The following PACS1 variants were observed in gnomAD, a reference collection of about 807,000 sequenced individuals.
The protein encoded by PACS1 is phosphofurin acidic cluster sorting protein 1.
Under a neutral mutation model 115.0 loss-of-function variants are expected in PACS1, and 24 were observed. The observed-to-expected ratio is 0.21, with a 90% CI of 0.15 to 0.29. The LOEUF (loss-of-function observed/expected upper bound fraction) is 0.29. PACS1 is among the 10% of genes least tolerant of loss of function. The probability of loss-of-function intolerance (pLI) is 1.00; values close to 1 mark genes in which losing one functional copy is unlikely to be tolerated. For missense variants in PACS1, 838 were observed against 1,251.2 expected, an observed-to-expected ratio of 0.67 and a Z score of 4.98; for synonymous variants, 453 against 504.5, an observed-to-expected ratio of 0.90 and a Z score of 1.37.
At chr11:66,193,146 A>G (rs1448730941) in intron 1 of PACS1, among the ~76,000 whole-genome samples, 1 of 152,168 alleles carries the variant, frequency 6.6e-6, no homozygotes, top group African/African-American at 2.4e-5. Context: ...GAGATGAATG[A>G]TATCCATGGA....
intron 10 of PACS1, among the ~76,000 whole-genome samples, chr11:66,227,286 C>T (rs981103398): frequency 5.9e-5 from 9 of 152,080 alleles, no homozygotes; most frequent in African/African-American, 1.7e-4. Flanking sequence ...TCTGAATCTC[C>T]GTGTTATTGA....
At position 66,216,155 on chromosome 11, in the gene PACS1, G is replaced by T. The variant is rs1234941939; in HGVS notation, c.697G>T (p.Gly233Cys). Residue 233 changes from glycine (G) to cysteine (C), a missense_variant, in exon 5 of 24, where the codon GGC (glycine) becomes TGC (cysteine). Gly to Cys is a radical substitution (Grantham distance 159). Coordinates refer to ENST00000320580, the MANE Select transcript of PACS1 (RefSeq NM_018026.4). ...TCCTAATGAAGGCGCACTGGTGCTT[G>T]GCCTACACAGCAACGTGAAGGATGT... ...QHPNEGALVL[G>C]LHSNVKDVSV... The T allele has an allele frequency of 1.9e-6, 3 of 1,613,800 alleles. No individual in the cohort carries two copies. In the African/African-American group the frequency reaches 4.0e-5, roughly 22 times the overall value.
At chr11:66,173,778 C>T (rs1478052992) in intron 1 of PACS1, among the ~76,000 whole-genome samples, 2 of 152,002 alleles carry the variant, frequency 1.3e-5, no homozygotes, top group Non-Finnish European at 2.9e-5. Context: ...TCGGGCCAGG[C>T]GTGGTGGCTC....
chr11:66,224,436 T>G (rs1855431496), intron 10 of PACS1, among the ~76,000 whole-genome samples: 1 of 152,210 alleles, frequency 6.6e-6, no homozygotes, highest in East Asian at 1.9e-4. Context: ...AACAGGATCA[T>G]GCACATCAGA....
In PACS1 at chr11:66,235,296, T is replaced by G; in HGVS notation, c.2105-5T>G. Reference sequence around the variant, plus strand: ...GCAGTTAGTGATCTCTTGGCTTTTCTGCAGAGCAACTGGACGTGGCAGGGC... The same window carrying G: ...GCAGTTAGTGATCTCTTGGCTTTTCGGCAGAGCAACTGGACGTGGCAGGGC... On this transcript the variant is annotated splice_polypyrimidine_tract_variant and splice_region_variant and intron_variant, in intron 17 of 23. Transcript: ENST00000320580. This position sits in a 1 kb window ranked among gnomAD's most constrained non-coding sequence, Gnocchi z 5.6. The G allele has an allele frequency of 1.2e-6, 2 of 1,612,520 alleles. No homozygotes were observed. Among genetic ancestry groups the G allele is most frequent in the South Asian group, 1.1e-5 (1 of 91,028 alleles).
chr11:66,201,672 T>A (rs1854800399), intron 2 of PACS1, among the ~76,000 whole-genome samples: 1 of 151,372 alleles, frequency 6.6e-6, no homozygotes, highest in Admixed American at 6.6e-5. Flanking sequence ...GTTTTTTTTT[T>A]TTCTGAGACG....
At chr11:66,195,372 A>G (rs567536843) in intron 2 of PACS1, among the ~76,000 whole-genome samples, 2 of 152,110 alleles carry the variant, frequency 1.3e-5, no homozygotes, top group Non-Finnish European at 2.9e-5. Context: ...TGGGACAGCA[A>G]TGTGAACTAT....
intron 11 of PACS1, among the ~76,000 whole-genome samples, chr11:66,230,158 A>G (rs1436392399): frequency 1.3e-5 from 2 of 151,624 alleles, no homozygotes; most frequent in Non-Finnish European, 2.9e-5. Flanking sequence ...AAAAAAGAAA[A>G]AAAAAAAAGG....
chr11:66,185,801 T>TGG (rs1854350275), intron 1 of PACS1, among the ~76,000 whole-genome samples: 1 of 152,144 alleles, frequency 6.6e-6, no homozygotes, highest in African/African-American at 2.4e-5. Context: ...AAATGGACTT[T>TGG]GGGAATAATT....
chr11:66,141,962 C>A (rs1052271154), intron 1 of PACS1, among the ~76,000 whole-genome samples: 2 of 152,018 alleles, frequency 1.3e-5, no homozygotes, highest in African/African-American at 4.8e-5. Flanking sequence ...CCCACCACCA[C>A]ACCCAGCTAA....
At chr11:66,116,630 C>T (rs1005645455) in intron 1 of PACS1, among the ~76,000 whole-genome samples, 4 of 152,338 alleles carry the variant, frequency 2.6e-5, no homozygotes, top group African/African-American at 9.6e-5. Context: ...CAGTGGCTCA[C>T]GCCTGTAATC....
At position 66,115,766 on chromosome 11, in the gene PACS1, A is replaced by G. The variant is rs146856158; in HGVS notation, c.356+44924A>G. ...TTCTTTCGTATTAGCTGACCTCGGTATTAACCTCACCTTCCCTCCTCCCCT... is the reference window on the plus strand; with the variant it reads ...TTCTTTCGTATTAGCTGACCTCGGTGTTAACCTCACCTTCCCTCCTCCCCT... On this transcript the variant is annotated intron_variant, in intron 1 of 23. Coordinates refer to ENST00000320580, the MANE Select transcript of PACS1 (RefSeq NM_018026.4). Among the ~76,000 whole-genome samples the G allele has an allele frequency of 3.5e-4, 53 of 152,332 alleles. 2 individuals carry two copies. The highest frequency in any genetic ancestry group is 1.2e-3 in the African/African-American group (50 of 41,582).
intron 1 of PACS1, among the ~76,000 whole-genome samples, chr11:66,163,109 G>T (rs1325290387): frequency 1.3e-5 from 2 of 152,128 alleles, no homozygotes; most frequent in African/African-American, 4.8e-5. Context: ...AGAACTTTGG[G>T]AGACCGAGGT....
chr11:66,243,601 A>C lies in PACS1; in HGVS notation c.*321A>C. 3 of 277,332 alleles carry C rather than the reference A, an allele frequency of 1.1e-5. No individual in the cohort carries two copies. Among genetic ancestry groups the C allele is most frequent in the East Asian group, 1.4e-4 (2 of 14,444 alleles). 17.2% of individuals were successfully genotyped at this position (277,332 alleles called of 1,614,324 possible). A position where few individuals can be genotyped will look rare whatever the true frequency, so the allele number is the denominator to read the frequency against. On this transcript the variant is annotated 3_prime_UTR_variant, in exon 24 of 24. Coordinates refer to ENST00000320580, the MANE Select transcript of PACS1 (RefSeq NM_018026.4). ...AGGCCTTCCTTCACCCGACTTCCAA[A>C]CTCTTCCTTGTGGTATCAGTTTCCT... is the stretch of plus-strand genomic sequence containing the variant.
At chr11:66,170,514 T>C (rs1158861784) in intron 1 of PACS1, among the ~76,000 whole-genome samples, 1 of 150,444 alleles carries the variant, frequency 6.6e-6, no homozygotes, top group African/African-American at 2.5e-5. Flanking sequence ...GACCCATGAG[T>C]TCTTTACAGG....
Position 66,233,124 on chromosome 11 carries a change from C to A in PACS1, c.1838+58C>A. On this transcript the variant is annotated intron_variant, in intron 15 of 23. Coordinates refer to ENST00000320580, the MANE Select transcript of PACS1 (RefSeq NM_018026.4). The surrounding 1 kb of genome is among the most constrained non-coding windows in gnomAD (Gnocchi z 4.5). The stretch of plus-strand genomic sequence containing the variant: ...AGAGATTCCCTCTGACCTCATCTTC[C>A]AACCCTGACTTCTAAGCAATGATAG... The A allele has an allele frequency of 3.1e-6, 4 of 1,280,594 alleles. No homozygotes were observed. Among genetic ancestry groups the A allele is most frequent in the Non-Finnish European group, 4.5e-6 (4 of 891,490 alleles). The allele number at this position is 1,280,594 out of a possible 1,614,324, so 79.3% of individuals were successfully genotyped here.
At chr11:66,126,380 C>G (rs1229159693) in intron 1 of PACS1, among the ~76,000 whole-genome samples, 1 of 152,212 alleles carries the variant, frequency 6.6e-6, no homozygotes, top group African/African-American at 2.4e-5. Context: ...CAGGTAATCC[C>G]TGAACAAGTA....
intron 22 of PACS1, 137 bp from the exon 23 acceptor site, chr11:66,242,775 G>T: frequency 8.5e-7 from 1 of 1,178,284 alleles, no homozygotes; most frequent in Non-Finnish European, 1.2e-6. Context: ...CTGACCCACA[G>T]CCCAGTGCCA....
At chr11:66,127,013 A>C (rs1043350637) in intron 1 of PACS1, among the ~76,000 whole-genome samples, 6 of 152,156 alleles carry the variant, frequency 3.9e-5, no homozygotes, top group African/African-American at 1.4e-4. Flanking sequence ...GCCTGCAGTG[A>C]GGTTAGGATG....
Sources: gnomAD v4.1 joint callset for allele counts (sites outside exome capture counted in the v4.1 genomes callset) on GRCh38, gnomAD v4.1.1 for gene constraint, Gnocchi (gnomAD v3.1) non-coding constraint, MANE v1.5 for transcripts, NCBI Gene and HGNC (gene_info 2026-07-23, HGNC 2026-07-21) for gene names.